Variants in RRP8 observed in about 807,000 individuals in gnomAD.
RRP8 encodes the protein ribosomal RNA processing 8.
RRP8 carries 48 observed loss-of-function variants against 45.0 expected under a neutral mutation model. That is an observed-to-expected ratio of 1.07 (90% CI 0.85 to 1.36). The LOEUF is 1.36. Ranked by LOEUF, RRP8 falls within the 40% of genes most tolerant of loss-of-function variation. RRP8 has a pLI of 0.00. For synonymous variants in RRP8, 274 were observed against 212.4 expected (o/e 1.29, Z -2.52); for missense variants, 658 against 573.7 (o/e 1.15, Z -1.50).
intron 2 of RRP8, 53 bp downstream of exon 2, chr11:6,601,799 G>A (rs1854376138): frequency 2.0e-6 from 3 of 1,526,846 alleles, no homozygotes; most frequent in Non-Finnish European, 2.6e-6. Flanking sequence ...AGAACCAGCT[G>A]ACCCCCCGAC....
In RRP8 at chr11:6,601,055, C is replaced by T. The variant is rs748451456; in HGVS notation, c.918G>A (p.Arg306=). Residue 306 remains arginine, a splice_region_variant and synonymous_variant, in exon 4 of 7, where the codon CGG becomes CGA. Transcript: ENST00000254605. ...VDRIARDLRQ[R]PASLVVADFG... ...AGTCAGCCACCACTAGGGATGCAGG[C>T]CTGAGAGTGGAAGGCAAGGGTCACA... 6.2e-7 allele frequency: 1 copy of T among 1,614,176 alleles called. No individual in the cohort carries two copies. Among genetic ancestry groups the T allele is most frequent in the Admixed American group, 1.7e-5 (1 of 60,026 alleles).
rs969349975 is a variant in RRP8, at chr11:6,601,578, G to A, written c.488C>T (p.Thr163Ile). The A allele has an allele frequency of 6.2e-7, 1 of 1,602,482 alleles. No individual in the cohort carries two copies. Among genetic ancestry groups the A allele is most frequent in the Non-Finnish European group, 8.5e-7 (1 of 1,179,754 alleles). The change falls in exon 3 of 7, where the codon ACT becomes ATT. Residue 163 changes from threonine to isoleucine, a missense_variant. Coordinates refer to ENST00000254605, the MANE Select transcript of RRP8 (RefSeq NM_015324.4). ...GCTTTGCTTTGGTGGATCATTTGTA[G>A]TACTACCCTTCCAGGCTTTGGGACC... ...QTGPKAWKGS[T>I]TNDPPKQSPG...
Position 6,599,774 on chromosome 11 carries a change from G to T in RRP8, c.*372C>A, listed in dbSNP as rs117803860. On this transcript the variant is annotated 3_prime_UTR_variant, in exon 7 of 7. Transcript: ENST00000254605. ...AGCAGAGGAAGCTGATCTGTAGACA[G>T]ATCAGATGACAGCAGAGTGGAGATG... 682 of 155,148 alleles carry T rather than the reference G, an allele frequency of 4.4e-3. 18 individuals are homozygous for T. The highest frequency in any genetic ancestry group is 0.029 in the Admixed American group (439 of 15,382). The allele number at this position is 155,148 out of a possible 1,614,324, so 9.6% of individuals were successfully genotyped here. A position where few individuals can be genotyped will look rare whatever the true frequency, so the allele number is the denominator to read the frequency against.
rs146000679 is a variant in RRP8, at chr11:6,601,011, C to T, written c.962G>A (p.Arg321His). ...AGGGTTCCGGATACTTGAAGCCAAG[C>T]GGCAATCCCCACAGCCGAAGTCAGC... ...VVADFGCGDCRLASSIRNPVH... is the reference protein window; with the variant it reads ...VVADFGCGDCHLASSIRNPVH... Residue 321 changes from arginine (R) to histidine (H), a missense_variant, in exon 4 of 7, where the codon CGC becomes CAC. Coordinates refer to ENST00000254605, the MANE Select transcript of RRP8 (RefSeq NM_015324.4). The T allele has an allele frequency of 3.2e-3, 5,146 of 1,614,168 alleles. 14 individuals are homozygous for T. Among genetic ancestry groups the T allele is most frequent in the Non-Finnish European group, 3.8e-3 (4,483 of 1,180,040 alleles).
rs1854238542 is a variant in RRP8 at position 6,597,009 on chromosome 11, T to C, written c.*3137A>G. Reference sequence around the variant, plus strand: ...GAGAAAAGCTGCAGCGAGGTTGTGATGTTCTTAATAGATAGTCCTGTGATC... The same window carrying C: ...GAGAAAAGCTGCAGCGAGGTTGTGACGTTCTTAATAGATAGTCCTGTGATC... On this transcript the variant is annotated 3_prime_UTR_variant, in exon 7 of 7. Coordinates refer to ENST00000254605, the MANE Select transcript of RRP8 (RefSeq NM_015324.4). 6.6e-6 allele frequency: 1 copy of C among 152,250 alleles called. No individual in the cohort carries two copies. Among genetic ancestry groups the C allele is most frequent in the South Asian group, 2.1e-4 (1 of 4,836 alleles). The allele number at this position is 152,250 out of a possible 1,614,324, so 9.4% of individuals were successfully genotyped here.
Position 6,600,675 on chromosome 11 carries a change from T to G in RRP8, c.1148A>C (p.Lys383Thr). Residue 383 changes from lysine to threonine, a missense_variant, in exon 5 of 7, where the codon AAG (lysine) becomes ACG (threonine). Lys to Thr is a moderately conservative substitution (Grantham distance 78). Transcript: ENST00000254605. ...DFLEEANRVL[K>T]PGGLLKVAEV... ...GTGTCCTGGGGGCTCTTACCCTGGC[T>G]TCAGTACTCTATTTGCCTCCTCTAG... The G allele has an allele frequency of 6.2e-7, 1 of 1,613,942 alleles. No individual in the cohort carries two copies. Among genetic ancestry groups the G allele is most frequent in the South Asian group, 1.1e-5 (1 of 91,076 alleles).
rs1431214425 is a variant in RRP8, at chr11:6,602,122, CAG to C, written c.191_192del (p.Ser64Ter). The C allele has an allele frequency of 1.6e-5, 26 of 1,612,480 alleles. No individual in the cohort carries two copies. Among genetic ancestry groups the C allele is most frequent in the Non-Finnish European group, 2.1e-5 (25 of 1,179,080 alleles). ...QHPPSLCISD[S>X]EEEEEERKKK... ...TTCTTCCTTTCCTCCTCCTCCTCCTCAGAGTCACTTATACATAGGCTGGGGGG... is the reference window on the plus strand; with the variant it reads ...TTCTTCCTTTCCTCCTCCTCCTCCTCAGTCACTTATACATAGGCTGGGGGG... On this transcript the variant is annotated frameshift_variant, in exon 2 of 7. Transcript: ENST00000254605. LOFTEE classifies it high-confidence loss of function.
Position 6,602,226 on chromosome 11 carries a change from A to G in RRP8, c.100-11T>C. On this transcript the variant is annotated splice_polypyrimidine_tract_variant and intron_variant, in intron 1 of 6. Coordinates refer to ENST00000254605, the MANE Select transcript of RRP8 (RefSeq NM_015324.4). ...GCGGCGCTTGGAGCCCTGGAGGAAAACAGGGGATGACAGTGGGCCTAAAGA... is the reference window on the plus strand; with the variant it reads ...GCGGCGCTTGGAGCCCTGGAGGAAAGCAGGGGATGACAGTGGGCCTAAAGA... 6.5e-7 allele frequency: 1 copy of G among 1,534,600 alleles called. No homozygotes were observed. The highest frequency in any genetic ancestry group is 8.7e-7 in the Non-Finnish European group (1 of 1,147,140).
chr11:6,600,374 C>T (rs1451996191), intron 6 of RRP8, 109 bp from the exon 7 acceptor site: 9 of 1,309,946 alleles, frequency 6.9e-6, no homozygotes, highest in South Asian at 2.7e-5. Flanking sequence ...CTCCCACTTC[C>T]GTTGGGGAGC....
Position 6,596,972 on chromosome 11 carries a change from C to G in RRP8, c.*3174G>C, listed in dbSNP as rs1854237845. On this transcript the variant is annotated 3_prime_UTR_variant, in exon 7 of 7. Transcript: ENST00000254605. ...CAAATTTTATTCACTGGGAGGTACT[C>G]TCCCTGCTATGGAGAAAAGCTGCAG... 6.6e-6 allele frequency: 1 copy of G among 152,246 alleles called. No homozygotes were observed. Among genetic ancestry groups the G allele is most frequent in the Non-Finnish European group, 1.5e-5 (1 of 68,046 alleles). The allele number at this position is 152,246 out of a possible 1,614,324, so 9.4% of individuals were successfully genotyped here. A position where few individuals can be genotyped will look rare whatever the true frequency, so the allele number is the denominator to read the frequency against.
At position 6,597,232 on chromosome 11, in the gene RRP8, T is replaced by C. The variant is rs558321881; in HGVS notation, c.*2914A>G. The C allele has an allele frequency of 1.3e-5, 2 of 152,330 alleles. No homozygotes were observed. The highest frequency in any genetic ancestry group is 3.9e-4 in the East Asian group (2 of 5,174). 9.4% of individuals were successfully genotyped at this position (152,330 alleles called of 1,614,324 possible). ...CGGCTCCTCTCTACCTAATCACTGC[T>C]GATTGCTCTGGGCCCAAGTGATGAG... On this transcript the variant is annotated 3_prime_UTR_variant, in exon 7 of 7. Transcript: ENST00000254605.
Position 6,601,429 on chromosome 11 carries a change from C to G in RRP8, c.637G>C (p.Ala213Pro), listed in dbSNP as rs527779708. The G allele has an allele frequency of 6.2e-7, 1 of 1,614,188 alleles. No individual in the cohort carries two copies. The highest frequency in any genetic ancestry group is 2.2e-5 in the East Asian group (1 of 44,890). Residue 213 changes from alanine (A) to proline (P), a missense_variant, in exon 3 of 7, where the codon GCT becomes CCT. Coordinates refer to ENST00000254605, the MANE Select transcript of RRP8 (RefSeq NM_015324.4). ...TCTGTCTTCTCTGTGGGGGCCTCAG[C>G]TGGGGCCTGGTCTGGCACCTGAGGT... ...QPPQVPDQAPAEAPTEKTEVS... is the reference protein window; with the variant it reads ...QPPQVPDQAPPEAPTEKTEVS...
chr11:6,603,285 C>T, intron 1 of RRP8, 119 bp downstream of exon 1: 1 of 683,378 alleles, frequency 1.5e-6, no homozygotes, highest in Non-Finnish European at 2.5e-6. Flanking sequence ...ATCTTCAGAT[C>T]AGGACTCGCC....
rs769700128 is a variant in RRP8 at position 6,601,450 on chromosome 11, G to C, written c.616C>G (p.Gln206Glu). Residue 206 changes from glutamine (Q) to glutamate (E), a missense_variant, in exon 3 of 7, where the codon CAG becomes GAG. Coordinates refer to ENST00000254605, the MANE Select transcript of RRP8 (RefSeq NM_015324.4). ...TCAGCTGGGGCCTGGTCTGGCACCT[G>C]AGGTGGCTGAAACTTGTTCTTACAT... ...RRCKNKFQPP[Q>E]VPDQAPAEAP... The C allele has an allele frequency of 9.9e-6, 16 of 1,614,004 alleles. No homozygotes were observed. Among genetic ancestry groups the C allele is most frequent in the African/African-American group, 1.3e-5 (1 of 74,946 alleles).
intron 1 of RRP8, 29 bp from the exon 2 acceptor site, chr11:6,602,244 C>T (rs191111679): frequency 3.0e-5 from 46 of 1,519,450 alleles, no homozygotes; most frequent in African/African-American, 2.2e-4. Context: ...TGACAGTGGG[C>T]CTAAAGAGAA....
In RRP8 at chr11:6,601,338, G is replaced by A; in HGVS notation, c.728C>T (p.Ala243Val). The change falls in exon 3 of 7, where the codon GCA (alanine) becomes GTA (valine). Residue 243 changes from alanine (A) to valine (V), a missense_variant. By Grantham distance (64) the Ala-to-Val change is moderately conservative. Coordinates refer to ENST00000254605, the MANE Select transcript of RRP8 (RefSeq NM_015324.4). Reference protein sequence around the residue: ...ARAGALRARMAQRLDGARFRY... With the variant: ...ARAGALRARMVQRLDGARFRY... ...AAATCGGGCCCCATCCAGCCGCTGT[G>A]CCATGCGGGCTCGCAAAGCCCCTGC... is the stretch of plus-strand genomic sequence containing the variant. 1 of 1,614,024 alleles carries A rather than the reference G, an allele frequency of 6.2e-7. No individual in the cohort carries two copies. Among genetic ancestry groups the A allele is most frequent in the Non-Finnish European group, 8.5e-7 (1 of 1,179,980 alleles).
rs1854239532 is a variant in RRP8 at position 6,597,081 on chromosome 11, T to G, written c.*3065A>C. 1 of 152,252 alleles carries G rather than the reference T, an allele frequency of 6.6e-6. No individual in the cohort carries two copies. The highest frequency in any genetic ancestry group is 1.5e-5 in the Non-Finnish European group (1 of 68,048). 9.4% of individuals were successfully genotyped at this position (152,252 alleles called of 1,614,324 possible). A position where few individuals can be genotyped will look rare whatever the true frequency, so the allele number is the denominator to read the frequency against. On this transcript the variant is annotated 3_prime_UTR_variant, in exon 7 of 7. Transcript: ENST00000254605. ...CTCAATTAATTAGAATGTCTAATCC[T>G]GTGTAACAATAATCTGCACCTGTTG...
rs1464336493 is a variant in RRP8 at position 6,595,766 on chromosome 11, T to C, written c.*4380A>G. On this transcript the variant is annotated 3_prime_UTR_variant, in exon 7 of 7. Coordinates refer to ENST00000254605, the MANE Select transcript of RRP8 (RefSeq NM_015324.4). ...ACAAAGAGGGTACTGTGGTCAAGAG[T>C]AAGGTGGACAGGATACCATAGAAGA... 1.3e-5 allele frequency: 2 copies of C among 151,992 alleles called. No homozygotes were observed. Among genetic ancestry groups the C allele is most frequent in the African/African-American group, 4.8e-5 (2 of 41,354 alleles). The allele number at this position is 151,992 out of a possible 1,614,324, so 9.4% of individuals were successfully genotyped here.
rs747292754 is a variant in RRP8, at chr11:6,601,843, C to G, written c.463+9G>C. On this transcript the variant is annotated intron_variant, in intron 2 of 6. Transcript: ENST00000254605. Reference sequence around the variant, plus strand: ...ACCAACACACACACATATACACATCCAATGGTACCTGTTTGGTCAACATTG... The same window carrying G: ...ACCAACACACACACATATACACATCGAATGGTACCTGTTTGGTCAACATTG... 11 of 1,600,428 alleles carry G rather than the reference C, an allele frequency of 6.9e-6. No homozygotes were observed. In the South Asian group the frequency reaches 1.2e-4, roughly 18 times the overall value.
Sources: allele counts gnomAD v4.1 joint callset, GRCh38; gene constraint gnomAD v4.1.1; transcripts MANE v1.5; gene names NCBI Gene and HGNC (gene_info 2026-07-23, HGNC 2026-07-21).